PRPF6: variants seen among roughly 807,000 people sequenced by gnomAD.
PRPF6 encodes the protein pre-mRNA-processing factor 6.
Under a neutral mutation model 118.3 loss-of-function variants are expected in PRPF6, and 42 were observed. The observed-to-expected ratio is 0.35, with a 90% CI of 0.28 to 0.46. The LOEUF (loss-of-function observed/expected upper bound fraction) is 0.46, where lower values mean the gene tolerates loss of function less well. PRPF6 is among the 20% of genes least tolerant of loss of function. The pLI is 1.00. For synonymous variants in PRPF6, 481 were observed against 485.1 expected (o/e 0.99, Z 0.11); for missense variants, 662 against 1,255.7 (o/e 0.53, Z 7.15).
In PRPF6 at chr20:64,025,994, A is replaced by G. The variant is rs2059288056; in HGVS notation, c.1964A>G (p.Asn655Ser). The G allele has an allele frequency of 6.2e-7, 1 of 1,613,208 alleles. No individual in the cohort carries two copies. The highest frequency in any genetic ancestry group is 8.5e-7 in the Non-Finnish European group (1 of 1,180,022). The change falls in exon 15 of 21, where the codon AAT (asparagine) becomes AGT (serine). Residue 655 changes from asparagine to serine, a missense_variant. By Grantham distance (46) the Asn-to-Ser change is conservative. Around this residue, in one of 10 missense-constraint regions of PRPF6, gnomAD observed 244 missense variants for 383.7 expected, o/e 0.64. Coordinates refer to ENST00000266079, the MANE Select transcript of PRPF6 (RefSeq NM_012469.4). ...WLAAVKLESENDEYERARRLL... is the reference protein window; with the variant it reads ...WLAAVKLESESDEYERARRLL... ...GCAGCCGTGAAGCTGGAGTCCGAGA[A>G]TGATGAGTACGAGCGGGCCCGGAGG...
At chr20:63,983,292 C>T (rs2059079228) in intron 2 of PRPF6, 77 bp downstream of exon 2, 1 of 1,573,838 alleles carries the variant, frequency 6.4e-7, no homozygotes, top group African/African-American at 1.3e-5. Flanking sequence ...GTGTTGGTGT[C>T]TGTAATGAAT....
In PRPF6 at chr20:64,029,141, T is replaced by A. The variant is rs2059303885; in HGVS notation, c.2432-236T>A. Among the ~76,000 whole-genome samples the A allele has an allele frequency of 6.6e-6, 1 of 152,194 alleles. No individual in the cohort carries two copies. Among genetic ancestry groups the A allele is most frequent in the Non-Finnish European group, 1.5e-5 (1 of 68,028 alleles). On this transcript the variant is annotated intron_variant, in intron 18 of 20. Transcript: ENST00000266079. This position sits in a 1 kb window ranked among gnomAD's most constrained non-coding sequence, Gnocchi z 4.8. ...GAGATTGCGCCATTGCACTCCACCC[T>A]GAATGACAGAGTGAGACTCTGCAGG...
At chr20:64,018,262 G>C (rs1168327070) in intron 12 of PRPF6, among the ~76,000 whole-genome samples, 2 of 152,232 alleles carry the variant, frequency 1.3e-5, no homozygotes, top group East Asian at 3.8e-4. Context: ...ACTGTCTTCT[G>C]TGAGGAATAC....
At position 64,032,011 on chromosome 20, in the gene PRPF6, C is replaced by T. The variant is rs746161407; in HGVS notation, c.2640C>T (p.Phe880=). Residue 880 remains phenylalanine (F), a synonymous_variant, in exon 20 of 21, where the codon TTC becomes TTT. Transcript: ENST00000266079. ...IDSDLGDAWA[F]FYKFELQHGT... is the part of the protein sequence containing the mutation. ...CGGACCTGGGGGATGCCTGGGCCTT[C>T]TTCTACAAGTTTGAGCTGCAGCATG... is the stretch of plus-strand genomic sequence containing the variant. 6 of 1,614,142 alleles carry T rather than the reference C, an allele frequency of 3.7e-6. No individual in the cohort carries two copies. The highest frequency in any genetic ancestry group is 1.6e-4 in the Middle Eastern group (1 of 6,062).
Position 64,032,193 on chromosome 20 carries a change from C to T in PRPF6, c.2673+149C>T. On this transcript the variant is annotated intron_variant, in intron 20 of 20. Coordinates refer to ENST00000266079, the MANE Select transcript of PRPF6 (RefSeq NM_012469.4). ...GACCGGGTGTGTGGGGCACAGAATC[C>T]TCGACACCTCCCCACAAGGCAGTCT... 6 of 1,240,766 alleles carry T rather than the reference C, an allele frequency of 4.8e-6. No individual in the cohort carries two copies. The South Asian group carries it at 6.2e-5, about 13-fold the overall frequency. 76.9% of individuals were successfully genotyped at this position (1,240,766 alleles called of 1,614,324 possible). A position where few individuals can be genotyped will look rare whatever the true frequency, so the allele number is the denominator to read the frequency against.
chr20:64,015,881 C>T (rs994659607), intron 11 of PRPF6, among the ~76,000 whole-genome samples: 6 of 152,104 alleles, frequency 3.9e-5, no homozygotes, highest in Admixed American at 6.5e-5. Flanking sequence ...AATCCCAGCA[C>T]TTTGGGAGGC....
At chr20:64,002,699 A>C (rs2059173319) in intron 9 of PRPF6, among the ~76,000 whole-genome samples, 1 of 144,234 alleles carries the variant, frequency 6.9e-6, no homozygotes, top group South Asian at 2.2e-4. Context: ...GCTGGAGTGC[A>C]ATGGCACCAT....
chr20:64,032,141 G>A (rs980952193), intron 20 of PRPF6, 97 bp downstream of exon 20: 14 of 1,581,118 alleles, frequency 8.9e-6, no homozygotes, highest in African/African-American at 5.4e-5. Flanking sequence ...CACGGCCAGC[G>A]TGACTCTGCC....
chr20:63,988,907 G>A (rs182374255), intron 3 of PRPF6, among the ~76,000 whole-genome samples: 1 of 151,942 alleles, frequency 6.6e-6, no homozygotes, highest in Admixed American at 6.6e-5. Context: ...ATTCTAAAAT[G>A]TACATGGAGC....
At chr20:63,989,730 G>T (rs2059110329) in intron 3 of PRPF6, among the ~76,000 whole-genome samples, 1 of 151,918 alleles carries the variant, frequency 6.6e-6, no homozygotes, top group African/African-American at 2.4e-5. Flanking sequence ...GGCCAGGATG[G>T]TCTCAAACTC....
intron 9 of PRPF6, among the ~76,000 whole-genome samples, chr20:64,002,767 C>T (rs547043935): frequency 6.6e-6 from 1 of 151,484 alleles, no homozygotes; most frequent in Non-Finnish European, 1.5e-5. Flanking sequence ...CCTCAGCCTT[C>T]TGAGGAGCTG....
Position 64,026,198 on chromosome 20 carries a change from T to G in PRPF6, c.2028+140T>G. 1 of 1,458,884 alleles carries G rather than the reference T, an allele frequency of 6.9e-7. No homozygotes were observed. The highest frequency in any genetic ancestry group is 9.3e-7 in the Non-Finnish European group (1 of 1,076,462). The allele number at this position is 1,458,884 out of a possible 1,614,324, so 90.4% of individuals were successfully genotyped here. ...AGCACACTCATCTTTGTGATGTGAC[T>G]AAAACATTCATGTGGCCGGGCGTGG... is the stretch of plus-strand genomic sequence containing the variant. On this transcript the variant is annotated intron_variant, in intron 15 of 20. Transcript: ENST00000266079. The surrounding 1 kb of genome is among the most constrained non-coding windows in gnomAD (Gnocchi z 4.4).
At chr20:64,004,925 C>G (rs1331619150) in intron 9 of PRPF6, among the ~76,000 whole-genome samples, 1 of 152,212 alleles carries the variant, frequency 6.6e-6, no homozygotes, top group East Asian at 1.9e-4. Flanking sequence ...GTGGCCGTCG[C>G]CAGCGTGTCC....
rs148835242 is a variant in PRPF6 at position 63,990,882 on chromosome 20, C to T, written c.360-2525C>T. Among the ~76,000 whole-genome samples the T allele has an allele frequency of 5.8e-3, 885 of 151,994 alleles. 13 individuals carry two copies. The highest frequency in any genetic ancestry group is 0.02 in the African/African-American group (838 of 41,486). On this transcript the variant is annotated intron_variant, in intron 3 of 20. Transcript: ENST00000266079. ...TGTTAGCCAGGCTGGTCTTGAACTCCTGCCCTTGTGATCTGCCTGCCTTGG... is the reference window on the plus strand; with the variant it reads ...TGTTAGCCAGGCTGGTCTTGAACTCTTGCCCTTGTGATCTGCCTGCCTTGG...
intron 9 of PRPF6, among the ~76,000 whole-genome samples, chr20:64,008,695 T>C (rs2059201295): frequency 6.6e-6 from 1 of 152,214 alleles, no homozygotes; most frequent in Non-Finnish European, 1.5e-5. Context: ...ATTTGGTTAT[T>C]CTGAGTTTAT....
chr20:64,020,486 G>A (rs1219149126), intron 12 of PRPF6, among the ~76,000 whole-genome samples: 3 of 152,194 alleles, frequency 2.0e-5, no homozygotes, highest in African/African-American at 7.2e-5. Context: ...GGCTGAGTGG[G>A]AACAGGTGTC....
intron 12 of PRPF6, 57 bp from the exon 13 acceptor site, chr20:64,022,700 C>T (rs542861977): frequency 1.2e-6 from 2 of 1,611,984 alleles, no homozygotes; most frequent in African/African-American, 1.3e-5. Flanking sequence ...GGGCATCATG[C>T]CACTTGTTCT....
At chr20:63,981,367 A>T in intron 1 of PRPF6, 51 bp downstream of exon 1, 1 of 1,521,856 alleles carries the variant, frequency 6.6e-7, no homozygotes, top group African/African-American at 1.4e-5. Flanking sequence ...ACAGGAGCGC[A>T]GTGCTTTGGG....
intron 3 of PRPF6, among the ~76,000 whole-genome samples, chr20:63,986,165 A>T (rs1186920653): frequency 6.6e-6 from 1 of 151,986 alleles, no homozygotes; most frequent in Non-Finnish European, 1.5e-5. Context: ...ACCTAGTGAA[A>T]CCCAGTCTCT....
Sources: gnomAD v4.1 joint callset for allele counts (sites outside exome capture counted in the v4.1 genomes callset) on GRCh38, gnomAD v4.1.1 for gene constraint, gnomAD v4.1.1 regional missense constraint, Gnocchi (gnomAD v3.1) non-coding constraint, MANE v1.5 for transcripts, NCBI Gene and HGNC (gene_info 2026-07-23, HGNC 2026-07-21) for gene names.